UBE2W: variants seen among roughly 807,000 people sequenced by gnomAD.
UBE2W encodes ubiquitin conjugating enzyme E2 W, also known as ubiquitin-conjugating enzyme E2 W.
In UBE2W, 18 loss-of-function variants were observed where a neutral mutation model predicts 27.2. The ratio of observed to expected loss-of-function variants is 0.66; its 90% CI spans 0.46 to 0.98. UBE2W has a LOEUF of 0.98. Ranked by LOEUF, UBE2W falls within the 50% of genes least tolerant of loss-of-function variation. The probability of loss-of-function intolerance (pLI) is 0.00; values close to 1 mark genes in which losing one functional copy is unlikely to be tolerated. For missense variants in UBE2W, 90 were observed against 180.2 expected (o/e 0.50, Z 2.87); for synonymous variants, 53 against 57.2 (o/e 0.93, Z 0.33).
intron 1 of UBE2W, among the ~76,000 whole-genome samples, chr8:73,860,395 C>G (rs370047016): frequency 1.3e-5 from 2 of 152,164 alleles, no homozygotes; most frequent in African/African-American, 4.8e-5. Context: ...CTGTGTTTTC[C>G]TATCACTTCT....
At position 73,793,005 on chromosome 8, in the gene UBE2W, A is replaced by G; in HGVS notation, c.*1097T>C. 3.0e-6 allele frequency: 3 copies of G among 985,540 alleles called. No homozygotes were observed. The highest frequency in any genetic ancestry group is 3.6e-6 in the Non-Finnish European group (3 of 829,612). The allele number at this position is 985,540 out of a possible 1,614,324, so 61.0% of individuals were successfully genotyped here. A position where few individuals can be genotyped will look rare whatever the true frequency, so the allele number is the denominator to read the frequency against. The stretch of plus-strand genomic sequence containing the variant: ...AAATGTATTTCTTATTTTAGGGTAC[A>G]GGATTAAAGGACAAGATGATACTCA... On this transcript the variant is annotated 3_prime_UTR_variant, in exon 6 of 6. Coordinates refer to ENST00000602593, the MANE Select transcript of UBE2W (RefSeq NM_018299.6).
At chr8:73,858,577 C>G (rs1811400644) in intron 1 of UBE2W, among the ~76,000 whole-genome samples, 2 of 150,332 alleles carry the variant, frequency 1.3e-5, no homozygotes, top group African/African-American at 4.9e-5. Flanking sequence ...TTAACTGTTG[C>G]CAGTTCATGA....
intron 1 of UBE2W, among the ~76,000 whole-genome samples, chr8:73,863,877 T>C (rs1349749358): frequency 1.3e-5 from 2 of 149,222 alleles, no homozygotes; most frequent in African/African-American, 5.0e-5. Flanking sequence ...CGATGTGATA[T>C]CAAAGTTGGA....
At chr8:73,824,800 G>A (rs1377704984) in intron 3 of UBE2W, among the ~76,000 whole-genome samples, 1 of 152,220 alleles carries the variant, frequency 6.6e-6, no homozygotes, top group Non-Finnish European at 1.5e-5. Flanking sequence ...CAGTAATGCT[G>A]CTCACCTCCT....
At chr8:73,856,505 C>T (rs994308812) in intron 1 of UBE2W, among the ~76,000 whole-genome samples, 9 of 151,224 alleles carry the variant, frequency 6.0e-5, no homozygotes, top group African/African-American at 2.2e-4. Flanking sequence ...GCTGGGATTA[C>T]AGGCATGAGC....
In UBE2W at chr8:73,787,823, A is replaced by G. The variant is rs1452278554; in HGVS notation, c.*6279T>C. On this transcript the variant is annotated 3_prime_UTR_variant, in exon 6 of 6. Transcript: ENST00000602593. ...GAAGTTCAGGAACATCGGACTCACG[A>G]TAACTCTAAGCAAGTGCCTGGGTCT... The G allele has an allele frequency of 6.1e-6, 6 of 985,314 alleles. No individual in the cohort carries two copies. The highest frequency in any genetic ancestry group is 9.4e-5 in the South Asian group (2 of 21,290). The allele number at this position is 985,314 out of a possible 1,614,324, so 61.0% of individuals were successfully genotyped here. A position where few individuals can be genotyped will look rare whatever the true frequency, so the allele number is the denominator to read the frequency against.
rs562260283 is a variant in UBE2W at position 73,793,541 on chromosome 8, C to T, written c.*561G>A. Reference sequence around the variant, plus strand: ...ATCTTTCATTACAGTCCTTTAAAGACGCATGTTAATTCATGCTGTTAACCT... The same window carrying T: ...ATCTTTCATTACAGTCCTTTAAAGATGCATGTTAATTCATGCTGTTAACCT... On this transcript the variant is annotated 3_prime_UTR_variant, in exon 6 of 6. Coordinates refer to ENST00000602593, the MANE Select transcript of UBE2W (RefSeq NM_018299.6). 230 of 985,686 alleles carry T rather than the reference C, an allele frequency of 2.3e-4. No homozygotes were observed. The highest frequency in any genetic ancestry group is 2.6e-4 in the Non-Finnish European group (218 of 829,932). 61.1% of individuals were successfully genotyped at this position (985,686 alleles called of 1,614,324 possible).
At chr8:73,836,871 A>G (rs1810329327) in intron 1 of UBE2W, among the ~76,000 whole-genome samples, 1 of 152,228 alleles carries the variant, frequency 6.6e-6, no homozygotes, top group African/African-American at 2.4e-5. Flanking sequence ...ACAGATTGAG[A>G]TAACTACAAA....
chr8:73,809,672 T>G (rs1349313980), intron 4 of UBE2W, among the ~76,000 whole-genome samples: 1 of 152,060 alleles, frequency 6.6e-6, no homozygotes, highest in African/African-American at 2.4e-5. Context: ...TGCAACCTCC[T>G]GGGTTCAAGC....
At chr8:73,877,211 T>G (rs1475736055) in intron 1 of UBE2W, among the ~76,000 whole-genome samples, 2 of 152,250 alleles carry the variant, frequency 1.3e-5, no homozygotes, top group Non-Finnish European at 2.9e-5. Flanking sequence ...ATAAAAATCT[T>G]TAAGTGGTAA....
At chr8:73,814,581 C>T (rs879349411) in intron 3 of UBE2W, among the ~76,000 whole-genome samples, 29 of 152,058 alleles carry the variant, frequency 1.9e-4, no homozygotes, top group African/African-American at 4.6e-4. Flanking sequence ...TGCAATGGCC[C>T]GATCTCTGCT....
intron 3 of UBE2W, among the ~76,000 whole-genome samples, chr8:73,820,784 AAAAC>A (rs1809579693): frequency 7.3e-6 from 1 of 137,682 alleles, no homozygotes; most frequent in Non-Finnish European, 1.6e-5. Context: ...AACAAACAAA[AAAAC>A]AAAATAAAAA....
Position 73,791,713 on chromosome 8 carries a change from T to C in UBE2W, c.*2389A>G. The C allele has an allele frequency of 3.0e-6, 3 of 985,166 alleles. No homozygotes were observed. The highest frequency in any genetic ancestry group is 3.6e-6 in the Non-Finnish European group (3 of 829,738). The allele number at this position is 985,166 out of a possible 1,614,324, so 61.0% of individuals were successfully genotyped here. On this transcript the variant is annotated 3_prime_UTR_variant, in exon 6 of 6. Transcript: ENST00000602593. ...ATTCCTAAATTCAAGAGAGTGTTGT[T>C]AGCCTGATTATGAATTTTAAATGTC...
chr8:73,790,251 C>T lies in UBE2W; in HGVS notation c.*3851G>A. 1 of 984,460 alleles carries T rather than the reference C, an allele frequency of 1.0e-6. No individual in the cohort carries two copies. Among genetic ancestry groups the T allele is most frequent in the Non-Finnish European group, 1.2e-6 (1 of 829,754 alleles). 61.0% of individuals were successfully genotyped at this position (984,460 alleles called of 1,614,324 possible). On this transcript the variant is annotated 3_prime_UTR_variant, in exon 6 of 6. Transcript: ENST00000602593. Reference sequence around the variant, plus strand: ...TGCGGAAGACTGACACATTGGACATCAGTGGGAAGAGGCAGAAAAATAGGA... The same window carrying T: ...TGCGGAAGACTGACACATTGGACATTAGTGGGAAGAGGCAGAAAAATAGGA...
chr8:73,805,472 C>CAAAAAAAAAAACAAAAAAAAAAAA, intron 5 of UBE2W, among the ~76,000 whole-genome samples, 179 bp downstream of exon 5: 1 of 43,678 alleles, frequency 2.3e-5, no homozygotes, highest in Non-Finnish European at 5.0e-5. Flanking sequence ...AAAAAAAAAA[C>CAAAAAAAAAAACAAAAAAAAAAAA]AAAAAAAACT....
chr8:73,864,371 A>G (rs941989204), intron 1 of UBE2W, among the ~76,000 whole-genome samples: 1 of 152,216 alleles, frequency 6.6e-6, no homozygotes, highest in African/African-American at 2.4e-5. Context: ...ACAGAGTGAG[A>G]CTGTCTCTAA....
chr8:73,860,105 A>G (rs1056662549), intron 1 of UBE2W, among the ~76,000 whole-genome samples: 1 of 151,388 alleles, frequency 6.6e-6, no homozygotes, highest in Non-Finnish European at 1.5e-5. Flanking sequence ...TAAGGGTTAC[A>G]TACAGGAAGC....
intron 1 of UBE2W, among the ~76,000 whole-genome samples, chr8:73,857,884 G>A (rs984340781): frequency 6.6e-6 from 1 of 151,808 alleles, no homozygotes; most frequent in East Asian, 1.9e-4. Context: ...ATAAACTTGG[G>A]CCTCAGTTGC....
chr8:73,791,273 A>G lies in UBE2W; in HGVS notation c.*2829T>C, dbSNP rs1808180948. 1 of 984,822 alleles carries G rather than the reference A, an allele frequency of 1.0e-6. No homozygotes were observed. Among genetic ancestry groups the G allele is most frequent in the African/African-American group, 1.7e-5 (1 of 57,156 alleles). 61.0% of individuals were successfully genotyped at this position (984,822 alleles called of 1,614,324 possible). A position where few individuals can be genotyped will look rare whatever the true frequency, so the allele number is the denominator to read the frequency against. The stretch of plus-strand genomic sequence containing the variant: ...TAATCCCTACTTGACCAAAGAAAAA[A>G]AAAAAAAAGAAGGGCATCATGTTCA... On this transcript the variant is annotated 3_prime_UTR_variant, in exon 6 of 6. Coordinates refer to ENST00000602593, the MANE Select transcript of UBE2W (RefSeq NM_018299.6).
Sources: gnomAD v4.1 joint callset for allele counts (sites outside exome capture counted in the v4.1 genomes callset) on GRCh38, gnomAD v4.1.1 for gene constraint, MANE v1.5 for transcripts, NCBI Gene and HGNC (gene_info 2026-07-23, HGNC 2026-07-21) for gene names.